SLC39A11: variants seen among roughly 807,000 people sequenced by gnomAD.
SLC39A11 encodes the protein zinc transporter ZIP11.
A neutral mutation model predicts 36.1 loss-of-function variants in SLC39A11; 33 were observed. The observed-to-expected ratio is 0.91, with a 90% confidence interval of 0.69 to 1.22. The LOEUF (loss-of-function observed/expected upper bound fraction) is 1.22, where lower values mean the gene tolerates loss of function less well. Ranked by LOEUF, SLC39A11 falls within the 50% of genes most tolerant of loss-of-function variation. SLC39A11 has a pLI of 0.00. For missense variants in SLC39A11, 432 were observed against 430.3 expected, an observed-to-expected ratio of 1.00 and a Z score of -0.03; for synonymous variants, 166 against 170.3, an observed-to-expected ratio of 0.97 and a Z score of 0.20.
chr17:72,809,429 C>T (rs2077367903), intron 6 of SLC39A11, among the ~76,000 whole-genome samples: 1 of 152,200 alleles, frequency 6.6e-6, no homozygotes, highest in Admixed American at 6.5e-5. Flanking sequence ...CCCATCTCTA[C>T]TCCAAGTTTG....
intron 7 of SLC39A11, among the ~76,000 whole-genome samples, chr17:72,734,426 T>G (rs1375710911): frequency 6.6e-6 from 1 of 152,040 alleles, no homozygotes; most frequent in East Asian, 1.9e-4. Context: ...CCCCTCAGGC[T>G]GTGACAATAA....
At chr17:72,800,303 A>ATTTTTTTTTTTTTTTTTTTT (rs34172959) in intron 6 of SLC39A11, among the ~76,000 whole-genome samples, 1 of 90,368 alleles carries the variant, frequency 1.1e-5, no homozygotes, top group Non-Finnish European at 2.3e-5. Context: ...ACCTACAATA[A>ATTTTTTTTTTTTTTTTTTTT]TTTTTTTTTT....
chr17:72,980,811 G>A (rs1486718598), intron 4 of SLC39A11, among the ~76,000 whole-genome samples: 2 of 152,110 alleles, frequency 1.3e-5, no homozygotes, highest in South Asian at 2.1e-4. Context: ...GATCAAAGAG[G>A]TCAGGAGTTT....
Position 72,894,360 on chromosome 17 carries a change from CAAAAAAAAAAAA to C in SLC39A11, c.431-44568_431-44557del, listed in dbSNP as rs57105586. ...CTGGCAACAGAGTGAGACTCTGTCT[CAAAAAAAAAAAA>C]AAAAAAAAAAAAAAAGGCCAGGGAC... On this transcript the variant is annotated intron_variant, in intron 5 of 9. Coordinates refer to ENST00000255559, the MANE Select transcript of SLC39A11 (RefSeq NM_139177.4). Among the ~76,000 whole-genome samples, 7 of 29,684 alleles carry C rather than the reference CAAAAAAAAAAAA, an allele frequency of 2.4e-4. No individual in the cohort carries two copies. The South Asian group carries it at 0.01, about 43-fold the overall frequency. 19.5% of individuals were successfully genotyped at this position (29,684 alleles called of 152,430 possible). A position where few individuals can be genotyped will look rare whatever the true frequency, so the allele number is the denominator to read the frequency against.
intron 4 of SLC39A11, among the ~76,000 whole-genome samples, chr17:72,993,164 G>A (rs1057411264): frequency 1.1e-4 from 16 of 152,092 alleles, no homozygotes; most frequent in Admixed American, 4.6e-4. Flanking sequence ...AAACCATATC[G>A]GGGGTGCTGA....
At chr17:72,779,683 A>C (rs1198423758) in intron 6 of SLC39A11, among the ~76,000 whole-genome samples, 1 of 152,172 alleles carries the variant, frequency 6.6e-6, no homozygotes, top group East Asian at 1.9e-4. Flanking sequence ...CTCAAGTTGA[A>C]GGGGAAATTC....
chr17:72,790,775 C>T (rs916540307), intron 6 of SLC39A11, among the ~76,000 whole-genome samples: 15 of 152,100 alleles, frequency 9.9e-5, no homozygotes, highest in South Asian at 2.1e-4. Flanking sequence ...TCAAGTGATC[C>T]GCCTGCCTCG....
intron 5 of SLC39A11, among the ~76,000 whole-genome samples, chr17:72,907,421 C>T (rs139022705): frequency 2.6e-5 from 4 of 152,204 alleles, no homozygotes; most frequent in African/African-American, 7.2e-5. Context: ...ACCCAGGAGG[C>T]GGAGATTGCA....
intron 4 of SLC39A11, among the ~76,000 whole-genome samples, chr17:72,958,547 T>C (rs553566186): frequency 2.0e-5 from 3 of 152,190 alleles, no homozygotes; most frequent in East Asian, 1.9e-4. Flanking sequence ...AGGACATGAA[T>C]AGACAATTCT....
chr17:72,786,432 C>T (rs1318618662), intron 6 of SLC39A11, among the ~76,000 whole-genome samples: 1 of 152,230 alleles, frequency 6.6e-6, no homozygotes, highest in African/African-American at 2.4e-5. Context: ...TACCCTCCCA[C>T]ATACATGTCT....
chr17:72,941,026 C>T (rs1052238745), intron 5 of SLC39A11, among the ~76,000 whole-genome samples: 1 of 152,164 alleles, frequency 6.6e-6, no homozygotes, highest in African/African-American at 2.4e-5. Context: ...AAAGACCACG[C>T]TTTGGGAGGC....
rs141047023 is a variant in SLC39A11 at position 73,006,536 on chromosome 17, A to C, written c.306+25020T>G. On this transcript the variant is annotated intron_variant, in intron 4 of 9. Coordinates refer to ENST00000255559, the MANE Select transcript of SLC39A11 (RefSeq NM_139177.4). ...GGCTACAAAGCCTAAAATATTTACTATCTGACCTTTTACAGAAAAAGTGTG... is the reference window on the plus strand; with the variant it reads ...GGCTACAAAGCCTAAAATATTTACTCTCTGACCTTTTACAGAAAAAGTGTG... Among the ~76,000 whole-genome samples the C allele has an allele frequency of 4.7e-4, 72 of 152,232 alleles. 1 individual carries two copies. Among genetic ancestry groups the C allele is most frequent in the African/African-American group, 1.6e-3 (68 of 41,530 alleles).
At chr17:72,648,110 A>C (rs2069653844) in intron 9 of SLC39A11, among the ~76,000 whole-genome samples, 1 of 152,118 alleles carries the variant, frequency 6.6e-6, no homozygotes, top group Admixed American at 6.5e-5. Flanking sequence ...CAGGCAGATC[A>C]CCTGAGGTCA....
intron 5 of SLC39A11, among the ~76,000 whole-genome samples, chr17:72,874,799 C>T (rs574841966): frequency 4.6e-5 from 7 of 152,282 alleles, no homozygotes; most frequent in Non-Finnish European, 8.8e-5. Context: ...TCCCCTGTCC[C>T]GCTCTAAGAA....
At chr17:72,928,882 C>T (rs1007220546) in intron 5 of SLC39A11, among the ~76,000 whole-genome samples, 3 of 152,250 alleles carry the variant, frequency 2.0e-5, no homozygotes, top group Non-Finnish European at 2.9e-5. Context: ...CAGACATGCC[C>T]TGAGCACCTG....
At chr17:72,678,167 G>A (rs559643533) in intron 7 of SLC39A11, among the ~76,000 whole-genome samples, 1 of 152,310 alleles carries the variant, frequency 6.6e-6, no homozygotes, top group East Asian at 1.9e-4. Flanking sequence ...ATGGCAGTTT[G>A]GATGCCCGTT....
chr17:72,927,750 T>C (rs2084132414), intron 5 of SLC39A11, among the ~76,000 whole-genome samples: 1 of 152,050 alleles, frequency 6.6e-6, no homozygotes, highest in Non-Finnish European at 1.5e-5. Flanking sequence ...GTGAAATCAA[T>C]AGGTGATTTC....
At chr17:73,020,385 T>C (rs1257639362) in intron 4 of SLC39A11, among the ~76,000 whole-genome samples, 1 of 152,220 alleles carries the variant, frequency 6.6e-6, no homozygotes, top group Non-Finnish European at 1.5e-5. Context: ...GGTGGCCATC[T>C]GCAAGACAGA....
chr17:72,983,769 A>C (rs903852465), intron 4 of SLC39A11, among the ~76,000 whole-genome samples: 1 of 152,196 alleles, frequency 6.6e-6, no homozygotes, highest in African/African-American at 2.4e-5. Flanking sequence ...CAGGCTCTTC[A>C]CCCAGACTCC....
Sources: allele counts gnomAD v4.1 joint callset (sites outside exome capture counted in the v4.1 genomes callset), GRCh38; gene constraint gnomAD v4.1.1; transcripts MANE v1.5; gene names NCBI Gene and HGNC (gene_info 2026-07-23, HGNC 2026-07-21).